RPH3A: variants seen among roughly 807,000 people sequenced by gnomAD.
RPH3A encodes the protein rabphilin-3A.
RPH3A carries 48 observed loss-of-function variants against 102.2 expected under a neutral mutation model. The observed-to-expected ratio is 0.47, with a 90% confidence interval of 0.37 to 0.60. RPH3A has a LOEUF of 0.60. Among genes scored for constraint, RPH3A ranks in the 20% least tolerant of loss-of-function variants. RPH3A has a pLI of 0.00. For synonymous variants in RPH3A, 310 were observed against 324.3 expected (o/e 0.96, Z 0.47); for missense variants, 781 against 910.1 (o/e 0.86, Z 1.83).
At chr12:112,755,456 C>T (rs1415009110) in intron 1 of RPH3A, among the ~76,000 whole-genome samples, 2 of 152,154 alleles carry the variant, frequency 1.3e-5, no homozygotes, top group Non-Finnish European at 2.9e-5. Flanking sequence ...TAACAGAGCT[C>T]ATGCTAGGTA....
chr12:112,608,831 C>A (rs771738646), intron 1 of RPH3A, among the ~76,000 whole-genome samples: 3 of 152,164 alleles, frequency 2.0e-5, no homozygotes, highest in Non-Finnish European at 4.4e-5. Flanking sequence ...AATATTTGAT[C>A]TGGATTTCTA....
At chr12:112,698,631 T>C (rs1410745047) in intron 1 of RPH3A, among the ~76,000 whole-genome samples, 1 of 152,168 alleles carries the variant, frequency 6.6e-6, no homozygotes, top group Non-Finnish European at 1.5e-5. Flanking sequence ...AGCCACAGAC[T>C]TAAAGACTAT....
At position 112,890,293 on chromosome 12, in the gene RPH3A, A is replaced by G. The variant is rs549886364; in HGVS notation, c.1620+213A>G. ...GGGGAAGCCCCTTTCTCTCATACCCAGGATGCCCACCAGGTTTTTGGCCTT... is the reference window on the plus strand; with the variant it reads ...GGGGAAGCCCCTTTCTCTCATACCCGGGATGCCCACCAGGTTTTTGGCCTT... On this transcript the variant is annotated intron_variant, in intron 18 of 21. Coordinates refer to ENST00000389385, the MANE Select transcript of RPH3A (RefSeq NM_001143854.2). Among the ~76,000 whole-genome samples the G allele has an allele frequency of 5.9e-5, 9 of 152,288 alleles. No homozygotes were observed. The East Asian group carries it at 1.7e-3, about 29-fold the overall frequency.
chr12:112,599,482 C>T (rs985378525), intron 1 of RPH3A, among the ~76,000 whole-genome samples: 2 of 152,126 alleles, frequency 1.3e-5, no homozygotes, highest in East Asian at 3.8e-4. Context: ...GAGGTGAGAA[C>T]CTCTACTGTC....
At chr12:112,889,762 G>A (rs188344961) in intron 17 of RPH3A, among the ~76,000 whole-genome samples, 24 of 152,246 alleles carry the variant, frequency 1.6e-4, no homozygotes, top group Admixed American at 5.2e-4. Context: ...TTAACTACTC[G>A]GACCCTCAGC....
chr12:112,870,659 G>T (rs2042693394), intron 10 of RPH3A, among the ~76,000 whole-genome samples: 1 of 152,180 alleles, frequency 6.6e-6, no homozygotes, highest in Admixed American at 6.5e-5. Context: ...GGAAGGGGCT[G>T]TGTCTGGGTC....
upstream of RPH3A, chr12:112,791,487 A>G (rs2041099993): frequency 6.6e-6 from 1 of 151,762 alleles, no homozygotes; most frequent in African/African-American, 2.4e-5. Context: ...TAACCATCCA[A>G]TTACTTAACT....
chr12:112,740,724 C>T (rs1366491652), intron 1 of RPH3A, among the ~76,000 whole-genome samples: 2 of 152,210 alleles, frequency 1.3e-5, no homozygotes, highest in African/African-American at 4.8e-5. Flanking sequence ...GTCTTGCAGA[C>T]ATGTAATTAA....
intron 1 of RPH3A, among the ~76,000 whole-genome samples, chr12:112,764,658 C>T: frequency 6.6e-6 from 1 of 151,934 alleles, no homozygotes; most frequent in East Asian, 1.9e-4. Context: ...CTCCACCTTC[C>T]CTGCCTCTCT....
intron 11 of RPH3A, 46 bp downstream of exon 11, chr12:112,875,216 CT>C: frequency 6.9e-7 from 1 of 1,443,730 alleles, no homozygotes; most frequent in Non-Finnish European, 9.5e-7. Flanking sequence ...TGTCACTCGG[CT>C]GTGACCCTCA....
chr12:112,736,644 C>CT (rs1448175562), intron 1 of RPH3A, among the ~76,000 whole-genome samples: 1 of 152,134 alleles, frequency 6.6e-6, no homozygotes, highest in Non-Finnish European at 1.5e-5. Context: ...TATTAAATGC[C>CT]TTAAAGATTT....
intron 1 of RPH3A, among the ~76,000 whole-genome samples, chr12:112,664,774 G>A (rs904929890): frequency 2.0e-5 from 3 of 152,106 alleles, no homozygotes; most frequent in African/African-American, 7.2e-5. Flanking sequence ...TTTCAGCACT[G>A]AGAGGATGGA....
Position 112,881,829 on chromosome 12 carries a change from C to T in RPH3A, c.1309C>T (p.Leu437=), listed in dbSNP as rs1565941154. 1 of 1,612,060 alleles carries T rather than the reference C, an allele frequency of 6.2e-7. No individual in the cohort carries two copies. The highest frequency in any genetic ancestry group is 1.7e-5 in the Admixed American group (1 of 59,894). ...LADPYVKLHL[L]PGASKSNKLR... ...TGATCCCTACGTTAAGCTGCACCTC[C>T]TGCCGGGAGCCAGCAAGGTACCATA... The change falls in exon 15 of 22, where the codon CTG becomes TTG. Residue 437 remains leucine (L), a synonymous_variant. Transcript: ENST00000389385.
At chr12:112,821,329 TG>T (rs2041774605) in intron 2 of RPH3A, among the ~76,000 whole-genome samples, 1 of 152,194 alleles carries the variant, frequency 6.6e-6, no homozygotes, top group East Asian at 1.9e-4. Context: ...ATACTCAGCT[TG>T]CATCACTGTT....
chr12:112,843,190 A>G (rs2063456770), intron 4 of RPH3A, among the ~76,000 whole-genome samples: 1 of 152,226 alleles, frequency 6.6e-6, no homozygotes, highest in Admixed American at 6.5e-5. Flanking sequence ...CCTCGTGCCC[A>G]CATCGCTCCT....
At position 112,724,953 on chromosome 12, in the gene RPH3A, G is replaced by A. The variant is rs193100393; in HGVS notation, c.-139-67190G>A. Among the ~76,000 whole-genome samples, 470 of 148,548 alleles carry A rather than the reference G, an allele frequency of 3.2e-3. 1 individual carries two copies. Among genetic ancestry groups the A allele is most frequent in the African/African-American group, 0.011 (430 of 40,020 alleles). The stretch of plus-strand genomic sequence containing the variant: ...CACCGCACTCCAGCCTGGTGACAGA[G>A]CGAGACTCTGCCTAAAAAAAAAAAT... On this transcript the variant is annotated intron_variant, in intron 1 of 21. Coordinates refer to the RPH3A transcript ENST00000543106.
chr12:112,741,677 C>T (rs971204746), intron 1 of RPH3A, among the ~76,000 whole-genome samples: 3 of 152,128 alleles, frequency 2.0e-5, no homozygotes, highest in African/African-American at 7.2e-5. Context: ...CATGTCTGCT[C>T]ATTTCTGCTT....
At chr12:112,676,959 G>T (rs1291168758) in intron 1 of RPH3A, among the ~76,000 whole-genome samples, 1 of 152,204 alleles carries the variant, frequency 6.6e-6, no homozygotes, top group African/African-American at 2.4e-5. Flanking sequence ...ACTCTGGCTA[G>T]CCTGTATTTT....
Position 112,812,289 on chromosome 12 carries a change from C to A in RPH3A, c.-18-16012C>A, listed in dbSNP as rs148567815. Reference sequence around the variant, plus strand: ...AGGATGGCTCCTTTAAAAACAAAACCAAACCAGGGTGTTAGTACCAGGAGA... The same window carrying A: ...AGGATGGCTCCTTTAAAAACAAAACAAAACCAGGGTGTTAGTACCAGGAGA... On this transcript the variant is annotated intron_variant, in intron 2 of 21. Coordinates refer to ENST00000389385, the MANE Select transcript of RPH3A (RefSeq NM_001143854.2). 3.8e-3 allele frequency among the ~76,000 whole-genome samples: 586 copies of A among 152,212 alleles called. 10 individuals carry two copies. The highest frequency in any genetic ancestry group is 0.032 in the Admixed American group (487 of 15,284).
Sources: allele counts gnomAD v4.1 joint callset (sites outside exome capture counted in the v4.1 genomes callset), GRCh38; gene constraint gnomAD v4.1.1; transcripts MANE v1.5; gene names NCBI Gene and HGNC (gene_info 2026-07-23, HGNC 2026-07-21).